Variants in ZFYVE16 observed in about 807,000 individuals in gnomAD.
The protein encoded by ZFYVE16 is zinc finger FYVE-type containing 16, also known as zinc finger FYVE domain-containing protein 16.
In ZFYVE16, 89 loss-of-function variants were observed where a neutral mutation model predicts 138.1. That is an observed-to-expected ratio of 0.64 (90% CI 0.54 to 0.77). The LOEUF is 0.77. Among genes scored for constraint, ZFYVE16 ranks in the 30% least tolerant of loss-of-function variants. The probability of loss-of-function intolerance (pLI) is 0.00; values close to 1 mark genes in which losing one functional copy is unlikely to be tolerated. For synonymous variants in ZFYVE16, 596 were observed against 618.3 expected (o/e 0.96, Z 0.53); for missense variants, 1,793 against 1,786.7 (o/e 1.00, Z -0.06).
At chr5:80,429,830 T>G (rs975289297) in intron 2 of ZFYVE16, among the ~76,000 whole-genome samples, 3 of 52,176 alleles carry the variant, frequency 5.7e-5, no homozygotes, top group Non-Finnish European at 2.2e-4. Flanking sequence ...CCAACAAAGA[T>G]CAAAAGAGAC....
At chr5:80,410,611 G>T (rs1055669262) in intron 1 of ZFYVE16, among the ~76,000 whole-genome samples, 7 of 151,140 alleles carry the variant, frequency 4.6e-5, no homozygotes, top group African/African-American at 1.2e-4. Context: ...TCGCTCTTTC[G>T]CCAGGCTGGA....
intron 15 of ZFYVE16, among the ~76,000 whole-genome samples, chr5:80,465,312 T>G (rs565446633): frequency 1.3e-5 from 2 of 151,786 alleles, no homozygotes; most frequent in African/African-American, 4.8e-5. Context: ...ATAAACTTTC[T>G]GGTTAACAAT....
chr5:80,441,106 C>A, intron 5 of ZFYVE16: 1 of 985,328 alleles, frequency 1.0e-6, no homozygotes, highest in Non-Finnish European at 1.2e-6. Context: ...GTTTCAGTAG[C>A]CTAGAAGATG....
intron 18 of ZFYVE16, 52 bp from the exon 19 acceptor site, chr5:80,477,167 C>T (rs369212764): frequency 3.4e-5 from 48 of 1,414,670 alleles, no homozygotes; most frequent in Middle Eastern, 1.8e-4. Context: ...ATTCACATTC[C>T]GAGTTAAACA....
At chr5:80,434,580 A>T (rs940001966) in intron 3 of ZFYVE16, among the ~76,000 whole-genome samples, 3 of 152,026 alleles carry the variant, frequency 2.0e-5, no homozygotes. Context: ...AGGCTCAAGC[A>T]TTTCTCCCAC....
Position 80,438,415 on chromosome 5 carries a change from T to A in ZFYVE16, c.1730T>A (p.Ile577Lys). 6.2e-7 allele frequency: 1 copy of A among 1,613,792 alleles called. No homozygotes were observed. The highest frequency in any genetic ancestry group is 8.5e-7 in the Non-Finnish European group (1 of 1,179,780). Residue 577 changes from isoleucine (I) to lysine (K), a missense_variant, in exon 4 of 19, where the codon ATA (isoleucine) becomes AAA (lysine). This residue lies in a region of ZFYVE16 where 1,295 missense variants were observed against 1,204.3 expected (regional missense o/e 1.08). Transcript: ENST00000505560. Reference protein sequence around the residue: ...KGLDDGNINNIYFNAEAGAIG... With the variant: ...KGLDDGNINNKYFNAEAGAIG... The stretch of plus-strand genomic sequence containing the variant: ...TTAGATGATGGAAACATCAATAATA[T>A]ATATTTCAATGCAGAAGCAGGAGCT...
chr5:80,442,818 T>A (rs901642745), intron 5 of ZFYVE16, among the ~76,000 whole-genome samples: 52 of 152,338 alleles, frequency 3.4e-4, no homozygotes, highest in African/African-American at 1.2e-3. Context: ...AAATAGACTC[T>A]AGGGGTACAA....
chr5:80,427,176 C>T lies in ZFYVE16; in HGVS notation c.-93-316C>T, dbSNP rs138213066. Reference sequence around the variant, plus strand: ...CTGGGATTACAGGTGTGAGCCACTGCGCCCGGCCACACATAAATGTCTTCT... The same window carrying T: ...CTGGGATTACAGGTGTGAGCCACTGTGCCCGGCCACACATAAATGTCTTCT... On this transcript the variant is annotated intron_variant, in intron 1 of 18. Transcript: ENST00000505560. 7.1e-3 allele frequency among the ~76,000 whole-genome samples: 1,081 copies of T among 152,182 alleles called. 8 individuals are homozygous for T. The highest frequency in any genetic ancestry group is 0.025 in the South Asian group (122 of 4,810).
Position 80,480,273 on chromosome 5 carries a change from GGAAAA to G in ZFYVE16, c.*2900_*2904del, listed in dbSNP as rs1157313957. Among the ~76,000 whole-genome samples the G allele has an allele frequency of 6.6e-6, 1 of 152,098 alleles. No individual in the cohort carries two copies. Among genetic ancestry groups the G allele is most frequent in the Non-Finnish European group, 1.5e-5 (1 of 68,030 alleles). On this transcript the variant is annotated 3_prime_UTR_variant, in exon 19 of 19. Coordinates refer to ENST00000505560, the MANE Select transcript of ZFYVE16 (RefSeq NM_001284236.3). ...CGATAAAAAGTTGTGGAGCTAATCT[GGAAAA>G]GAACTGAATATAAACATTACAAGAA... is the stretch of plus-strand genomic sequence containing the variant.
rs769888894 is a variant in ZFYVE16, at chr5:80,477,177, A to G, written c.4462-42A>G. 113 of 1,512,098 alleles carry G rather than the reference A, an allele frequency of 7.5e-5. 3 individuals carry two copies. The highest frequency in any genetic ancestry group is 7.1e-4 in the South Asian group (57 of 80,784). The allele number at this position is 1,512,098 out of a possible 1,614,324, so 93.7% of individuals were successfully genotyped here. ...TTTATATTCACATTCCGAGTTAAAC[A>G]AGATTGCTCATTTTCTTATCAAGAA... On this transcript the variant is annotated intron_variant, in intron 18 of 18. Transcript: ENST00000505560.
At chr5:80,450,133 C>T (rs962724671) in intron 9 of ZFYVE16, among the ~76,000 whole-genome samples, 1 of 152,202 alleles carries the variant, frequency 6.6e-6, no homozygotes, top group African/African-American at 2.4e-5. Context: ...AATTAATAAT[C>T]CTCACTACTC....
intron 17 of ZFYVE16, 40 bp from the exon 18 acceptor site, chr5:80,474,623 C>T (rs1554053306): frequency 6.4e-7 from 1 of 1,559,092 alleles, no homozygotes. Flanking sequence ...TTTAAAGTTA[C>T]TTTTAATCAT....
chr5:80,473,446 AG>A (rs1205875214), intron 16 of ZFYVE16, among the ~76,000 whole-genome samples: 1 of 152,192 alleles, frequency 6.6e-6, no homozygotes, highest in African/African-American at 2.4e-5. Flanking sequence ...AGAGGGCTGA[AG>A]GATTCCAAAA....
intron 15 of ZFYVE16, among the ~76,000 whole-genome samples, chr5:80,460,126 G>T (rs1189011247): frequency 1.3e-5 from 2 of 152,072 alleles, no homozygotes; most frequent in African/African-American, 2.4e-5. Context: ...TAAAATTTAT[G>T]ATTGGTCTAC....
At chr5:80,427,125 C>T (rs1748200422) in intron 1 of ZFYVE16, among the ~76,000 whole-genome samples, 1 of 151,704 alleles carries the variant, frequency 6.6e-6, no homozygotes, top group Non-Finnish European at 1.5e-5. Context: ...CTCAAGCTAT[C>T]CTCCTGCCTC....
chr5:80,474,871 T>C (rs1482445520), intron 18 of ZFYVE16, 41 bp downstream of exon 18: 4 of 1,564,958 alleles, frequency 2.6e-6, no homozygotes, highest in Admixed American at 2.0e-5. Context: ...AATGAATGTA[T>C]TGCATATTAA....
intron 15 of ZFYVE16, among the ~76,000 whole-genome samples, chr5:80,470,389 C>T (rs1242154073): frequency 1.3e-5 from 2 of 152,060 alleles, no homozygotes; most frequent in African/African-American, 4.8e-5. Context: ...GCATGAGCCA[C>T]CGCACCCAGA....
rs772587654 is a variant in ZFYVE16 at position 80,437,980 on chromosome 5, A to G, written c.1295A>G (p.Asp432Gly). Residue 432 changes from aspartate to glycine, a missense_variant, in exon 4 of 19, where the codon GAT (aspartate) becomes GGT (glycine). Asp to Gly is a moderately conservative substitution (Grantham distance 94). This residue lies in a region of ZFYVE16 where 1,295 missense variants were observed against 1,204.3 expected (regional missense o/e 1.08). Coordinates refer to ENST00000505560, the MANE Select transcript of ZFYVE16 (RefSeq NM_001284236.3). ...VLGGEPFKENDLLKQEKCKSI... is the reference protein window; with the variant it reads ...VLGGEPFKENGLLKQEKCKSI... ...GGTGGGGAACCATTCAAAGAGAATGATCTTTTGAAACAGGAAAAATGTAAA... is the reference window on the plus strand; with the variant it reads ...GGTGGGGAACCATTCAAAGAGAATGGTCTTTTGAAACAGGAAAAATGTAAA... The G allele has an allele frequency of 2.5e-6, 4 of 1,614,076 alleles. No homozygotes were observed. In the South Asian group the frequency reaches 4.4e-5, roughly 18 times the overall value.
intron 1 of ZFYVE16, among the ~76,000 whole-genome samples, chr5:80,425,961 C>T (rs1747927628): frequency 6.6e-6 from 1 of 152,058 alleles, no homozygotes; most frequent in Non-Finnish European, 1.5e-5. Context: ...TTTTAACATC[C>T]TTTTGTACTT....
Sources: allele counts gnomAD v4.1 joint callset (sites outside exome capture counted in the v4.1 genomes callset), GRCh38; gene constraint gnomAD v4.1.1; regional missense constraint gnomAD v4.1.1; transcripts MANE v1.5; gene names NCBI Gene and HGNC (gene_info 2026-07-23, HGNC 2026-07-21).